Variants in TUBB6 observed in about 807,000 individuals in gnomAD.
TUBB6 encodes tubulin beta-6 chain.
A neutral mutation model predicts 32.3 loss-of-function variants in TUBB6; 18 were observed. The ratio of observed to expected loss-of-function variants is 0.56; its 90% confidence interval spans 0.39 to 0.83. TUBB6 has a LOEUF of 0.83. TUBB6 is among the 40% of genes least tolerant of loss of function. TUBB6 has a pLI of 0.00. For synonymous variants in TUBB6, 280 were observed against 265.8 expected, an observed-to-expected ratio of 1.05 and a Z score of -0.52; for missense variants, 480 against 632.0, an observed-to-expected ratio of 0.76 and a Z score of 2.58.
downstream of TUBB6, chr18:12,329,322 G>A (rs1332489718): frequency 5.9e-5 from 40 of 675,856 alleles, no homozygotes; most frequent in South Asian, 2.4e-4. Flanking sequence ...TTTCCAGCAC[G>A]TCTGGGAGCC....
Position 12,325,785 on chromosome 18 carries a change from C to T in TUBB6, c.996C>T (p.Ala332=), listed in dbSNP as rs146600815. Residue 332 remains alanine, a synonymous_variant, in exon 4 of 4, where the codon GCC becomes GCT. Transcript: ENST00000317702. ...SMKEVDEQML[A]IQSKNSSYFV... The stretch of plus-strand genomic sequence containing the variant: ...AGGAGGTGGACGAGCAGATGCTGGC[C>T]ATCCAGAGTAAGAACAGCAGCTACT... The T allele has an allele frequency of 6.2e-7, 1 of 1,614,120 alleles. No individual in the cohort carries two copies. Among genetic ancestry groups the T allele is most frequent in the Non-Finnish European group, 8.5e-7 (1 of 1,180,062 alleles).
At chr18:12,320,767 T>C (rs1906946792) in intron 3 of TUBB6, 1 of 152,262 alleles carries the variant, frequency 6.6e-6, no homozygotes, top group African/African-American at 2.4e-5. Flanking sequence ...TTCCCCTTTT[T>C]ATTATTATAA....
chr18:12,328,892 T>G, downstream of TUBB6: 1 of 410,906 alleles, frequency 2.4e-6, no homozygotes, highest in Non-Finnish European at 4.4e-6. Flanking sequence ...AAATTTAATT[T>G]CTTGCCATTA....
Position 12,310,456 on chromosome 18 carries a change from A to C in TUBB6, c.167-487A>C, listed in dbSNP as rs890187900. Among the ~76,000 whole-genome samples the C allele has an allele frequency of 1.6e-3, 244 of 148,990 alleles. 1 individual carries two copies. Among genetic ancestry groups the C allele is most frequent in the Non-Finnish European group, 2.1e-3 (139 of 67,556 alleles). ...CAGTGAGCCGAGATCACACCACTGCATTCCAGCCTGGGCAACAGAGCGAGA... is the reference window on the plus strand; with the variant it reads ...CAGTGAGCCGAGATCACACCACTGCCTTCCAGCCTGGGCAACAGAGCGAGA... On this transcript the variant is annotated intron_variant, in intron 2 of 3. Transcript: ENST00000317702.
chr18:12,324,248 T>C (rs1013823286), intron 3 of TUBB6, among the ~76,000 whole-genome samples: 15 of 151,778 alleles, frequency 9.9e-5, no homozygotes, highest in African/African-American at 2.2e-4. Context: ...CAGGCGCCTG[T>C]AGTCCCGGCT....
At chr18:12,309,064 T>G (rs1161866722) in intron 2 of TUBB6, among the ~76,000 whole-genome samples, 3 of 152,152 alleles carry the variant, frequency 2.0e-5, no homozygotes, top group African/African-American at 4.8e-5. Context: ...CAGCCTTCTC[T>G]GTCTAGCCGG....
At position 12,312,234 on chromosome 18, in the gene TUBB6, A is replaced by G. The variant is rs9947996; in HGVS notation, c.277+1181A>G. ...ACTAGAACATACAAGTGAAAGCTGTATATCAAACTTACTTAAAAATATAGA... is the reference window on the plus strand; with the variant it reads ...ACTAGAACATACAAGTGAAAGCTGTGTATCAAACTTACTTAAAAATATAGA... On this transcript the variant is annotated intron_variant, in intron 3 of 3. Coordinates refer to ENST00000317702, the MANE Select transcript of TUBB6 (RefSeq NM_032525.3). Among the ~76,000 whole-genome samples, 659 of 152,370 alleles carry G rather than the reference A, an allele frequency of 4.3e-3. 7 individuals carry two copies. The highest frequency in any genetic ancestry group is 0.015 in the African/African-American group (625 of 41,578).
chr18:12,308,498 A>G, intron 1 of TUBB6, 149 bp downstream of exon 1: 1 of 729,622 alleles, frequency 1.4e-6, no homozygotes, highest in Non-Finnish European at 2.0e-6. Context: ...GCAGGGAGGG[A>G]GCGCCCGGGG....
intron 3 of TUBB6, among the ~76,000 whole-genome samples, chr18:12,313,161 T>C (rs7506586): frequency 0.98 from 149,270 of 152,230 alleles, 73,254 homozygotes; most frequent in East Asian, 1. Context: ...CAGAAGCATT[T>C]CCAGCAGAAT....
chr18:12,314,177 C>T (rs1036209457), intron 3 of TUBB6, among the ~76,000 whole-genome samples: 8 of 152,024 alleles, frequency 5.3e-5, no homozygotes, highest in Non-Finnish European at 1.0e-4. Flanking sequence ...GCTCTGTGCC[C>T]GCTGGCAGCA....
intron 1 of TUBB6, 92 bp downstream of exon 1, chr18:12,308,441 C>A (rs1225698086): frequency 1.8e-5 from 19 of 1,036,286 alleles, no homozygotes; most frequent in Non-Finnish European, 2.4e-5. Flanking sequence ...CGCGCACCCG[C>A]TGTGCGCCCC....
At position 12,311,012 on chromosome 18, in the gene TUBB6, G is replaced by A; in HGVS notation, c.236G>A (p.Gly79Glu). 6.2e-7 allele frequency: 1 copy of A among 1,613,708 alleles called. No homozygotes were observed. The highest frequency in any genetic ancestry group is 8.5e-7 in the Non-Finnish European group (1 of 1,179,794). The change falls in exon 3 of 4, where the codon GGG becomes GAG. Residue 79 changes from glycine to glutamate, a missense_variant. Gly to Glu is a moderately conservative substitution (Grantham distance 98). Coordinates refer to ENST00000317702, the MANE Select transcript of TUBB6 (RefSeq NM_032525.3). ...EPGTMDSVRS[G>E]PFGQLFRPDN... The stretch of plus-strand genomic sequence containing the variant: ...GGCACCATGGACAGCGTGCGGTCTG[G>A]GCCTTTTGGGCAGCTTTTCCGGCCT...
chr18:12,310,678 AG>A (rs1282335161), intron 2 of TUBB6, among the ~76,000 whole-genome samples: 1 of 151,064 alleles, frequency 6.6e-6, no homozygotes, highest in African/African-American at 2.4e-5. Context: ...TTTTAGAAAC[AG>A]GGTTTTGCTC....
At chr18:12,326,951 AG>A (rs1253282943), downstream of TUBB6, among the ~76,000 whole-genome samples, 1 of 152,140 alleles carries the variant, frequency 6.6e-6, no homozygotes, top group Non-Finnish European at 1.5e-5. Context: ...CCTGCATGGA[AG>A]GGATGGGCCC....
At chr18:12,329,485 A>C, downstream of TUBB6, 2 of 1,440,504 alleles carry the variant, frequency 1.4e-6, no homozygotes, top group Admixed American at 3.3e-5. Flanking sequence ...CAGCATTCCC[A>C]TTCTTCTGAA....
Position 12,308,254 on chromosome 18 carries a change from G to T in TUBB6, c.-39G>T, listed in dbSNP as rs1269405151. The T allele has an allele frequency of 1.4e-6, 2 of 1,384,048 alleles. No individual in the cohort carries two copies. Among genetic ancestry groups the T allele is most frequent in the Admixed American group, 2.5e-5 (1 of 39,418 alleles). The allele number at this position is 1,384,048 out of a possible 1,614,324, so 85.7% of individuals were successfully genotyped here. ...CAGCCGGCCCGCAGTTGCCGCTGTC[G>T]TCCGCAGAGCCAGTTCCTAGCGCAG... is the stretch of plus-strand genomic sequence containing the variant. On this transcript the variant is annotated 5_prime_UTR_variant, in exon 1 of 4. Coordinates refer to ENST00000317702, the MANE Select transcript of TUBB6 (RefSeq NM_032525.3).
At chr18:12,321,076 G>T (rs546193474) in intron 3 of TUBB6, among the ~76,000 whole-genome samples, 18 of 152,302 alleles carry the variant, frequency 1.2e-4, no homozygotes, top group African/African-American at 4.3e-4. Flanking sequence ...ATTATTTCCA[G>T]TACCTAAGCT....
intron 1 of TUBB6, 128 bp downstream of exon 1, chr18:12,308,477 C>T (rs557748664): frequency 1.2e-5 from 10 of 824,890 alleles, no homozygotes; most frequent in African/African-American, 1.8e-5. Flanking sequence ...CGGTGCGGAC[C>T]CGCGAGGGCC....
chr18:12,325,557 C>G lies in TUBB6; in HGVS notation c.768C>G (p.Asn256Lys). The change falls in exon 4 of 4, where the codon AAC becomes AAG. Residue 256 changes from asparagine to lysine, a missense_variant. Transcript: ENST00000317702. ...LNADLRKLAVNMVPFPRLHFF... is the reference protein window; with the variant it reads ...LNADLRKLAVKMVPFPRLHFF... ...CTGACCTGCGCAAGCTGGCGGTGAA[C>G]ATGGTGCCCTTCCCGCGCCTGCACT... The G allele has an allele frequency of 6.2e-7, 1 of 1,614,164 alleles. No homozygotes were observed. Among genetic ancestry groups the G allele is most frequent in the Non-Finnish European group, 8.5e-7 (1 of 1,180,038 alleles).
Sources: gnomAD v4.1 joint callset for allele counts (sites outside exome capture counted in the v4.1 genomes callset) on GRCh38, gnomAD v4.1.1 for gene constraint, MANE v1.5 for transcripts, NCBI Gene and HGNC (gene_info 2026-07-23, HGNC 2026-07-21) for gene names.